The following ZNF333 variants were observed in gnomAD, a reference collection of about 807,000 sequenced individuals.
ZNF333 encodes zinc finger protein 333.
A neutral mutation model predicts 76.1 loss-of-function variants in ZNF333; 61 were observed. The ratio of observed to expected loss-of-function variants is 0.80; its 90% confidence interval spans 0.65 to 0.99. ZNF333 has a LOEUF of 0.99. Among genes scored for constraint, ZNF333 ranks in the 50% least tolerant of loss-of-function variants. The pLI, the probability that ZNF333 is intolerant of heterozygous loss-of-function variation, is 0.00. For synonymous variants in ZNF333, 284 were observed against 305.0 expected (o/e 0.93, Z 0.72); for missense variants, 717 against 822.4 (o/e 0.87, Z 1.57).
downstream of ZNF333, among the ~76,000 whole-genome samples, chr19:14,726,169 A>G (rs892685211): frequency 6.6e-6 from 1 of 152,172 alleles, no homozygotes; most frequent in African/African-American, 2.4e-5. Context: ...AACCCAAGCT[A>G]TACCTGGGCC....
intron 4 of ZNF333, among the ~76,000 whole-genome samples, chr19:14,697,357 CTTTT>C (rs139125023): frequency 2.0e-4 from 18 of 90,828 alleles, no homozygotes; most frequent in African/African-American, 7.5e-4. Context: ...TTTTTCTTTT[CTTTT>C]TTTTTTTTTT....
intron 7 of ZNF333, chr19:14,708,419 G>A: frequency 5.0e-6 from 2 of 401,240 alleles, no homozygotes; most frequent in Non-Finnish European, 4.4e-6. Context: ...GGAGCTCACG[G>A]TCAGCTGGGT....
At chr19:14,692,648 G>C (rs1972857799) in intron 1 of ZNF333, among the ~76,000 whole-genome samples, 1 of 152,136 alleles carries the variant, frequency 6.6e-6, no homozygotes, top group South Asian at 2.1e-4. Flanking sequence ...GAGTAGCTGG[G>C]ATTACAGGTG....
chr19:14,710,437 G>A (rs967874679), intron 7 of ZNF333, among the ~76,000 whole-genome samples: 5 of 152,168 alleles, frequency 3.3e-5, no homozygotes, highest in East Asian at 1.9e-4. Context: ...AGGAGATGTC[G>A]TACTCGTGGC....
chr19:14,700,122 A>C (rs1419494823), intron 5 of ZNF333: 5 of 152,232 alleles, frequency 3.3e-5, no homozygotes, highest in Non-Finnish European at 5.9e-5. Flanking sequence ...CTTCTACCTC[A>C]GCCTCCCGAG....
intron 6 of ZNF333, chr19:14,706,054 C>G (rs1470770762): frequency 2.2e-6 from 1 of 456,536 alleles, no homozygotes; most frequent in East Asian, 6.9e-5. Flanking sequence ...CCACCAAGTC[C>G]TGCTAGCGTT....
intron 5 of ZNF333, chr19:14,701,944 A>T (rs748442147): frequency 1.1e-6 from 1 of 936,422 alleles, no homozygotes; most frequent in Non-Finnish European, 1.3e-6. Flanking sequence ...CGCAGAGACC[A>T]CAGTCTCAGC....
chr19:14,720,411 A>G lies in ZNF333; in HGVS notation c.*1086A>G, dbSNP rs1392153835. On this transcript the variant is annotated 3_prime_UTR_variant, in exon 12 of 12. Transcript: ENST00000292530. ...GACCTAGAGGAGCCCTCCTGTGACC[A>G]TAAGGGTAAAAGCCGCAAGCTAAGA... is the stretch of plus-strand genomic sequence containing the variant. 7 of 985,324 alleles carry G rather than the reference A, an allele frequency of 7.1e-6. No homozygotes were observed. The highest frequency in any genetic ancestry group is 8.4e-6 in the Non-Finnish European group (7 of 829,942). The allele number at this position is 985,324 out of a possible 1,614,324, so 61.0% of individuals were successfully genotyped here.
exon 12 of ZNF333, chr19:14,731,297 T>G: frequency 2.7e-5 from 28 of 1,043,936 alleles, no homozygotes; most frequent in Non-Finnish European, 3.7e-5. Flanking sequence ...AATCTGCAGA[T>G]TCTGAAGCTT....
chr19:14,708,395 G>A (rs954978268), intron 7 of ZNF333: 2 of 401,116 alleles, frequency 5.0e-6, no homozygotes, highest in African/African-American at 4.1e-5. Context: ...AGAAAACACC[G>A]ACCCCTCCTC....
At position 14,719,477 on chromosome 19, in the gene ZNF333, A is replaced by G; in HGVS notation, c.*152A>G. The G allele has an allele frequency of 9.0e-7, 1 of 1,111,394 alleles. No individual in the cohort carries two copies. The highest frequency in any genetic ancestry group is 3.2e-5 in the Admixed American group (1 of 31,520). The allele number at this position is 1,111,394 out of a possible 1,614,324, so 68.8% of individuals were successfully genotyped here. On this transcript the variant is annotated 3_prime_UTR_variant, in exon 12 of 12. Transcript: ENST00000292530. Reference sequence around the variant, plus strand: ...TCCATTATCGTTTATTCTTTGACCCATCTATTATTTGGAATTAGATTTTTC... The same window carrying G: ...TCCATTATCGTTTATTCTTTGACCCGTCTATTATTTGGAATTAGATTTTTC...
At chr19:14,718,060 A>G (rs2042487686) in intron 11 of ZNF333, among the ~76,000 whole-genome samples, 168 bp from the exon 12 acceptor site, 1 of 152,252 alleles carries the variant, frequency 6.6e-6, no homozygotes, top group Non-Finnish European at 1.5e-5. Context: ...GCAACAGAGT[A>G]TCCACCCTAT....
chr19:14,731,088 GC>G, intron 11 of ZNF333: 1 of 1,205,912 alleles, frequency 8.3e-7, no homozygotes, highest in Non-Finnish European at 1.2e-6. Flanking sequence ...CGCCCCTCCT[GC>G]CCCCTCCCCC....
rs537327867 is a variant in ZNF333 at position 14,729,253 on chromosome 19, T to A, written c.901-1922T>A. On this transcript the variant is annotated intron_variant, in intron 11 of 11. Transcript: ENST00000540689. Reference sequence around the variant, plus strand: ...TGTGACCTTATTGGCCAGATAATTCTTTGCTGTAGGAACTGCCCTATGCAC... The same window carrying A: ...TGTGACCTTATTGGCCAGATAATTCATTGCTGTAGGAACTGCCCTATGCAC... Among the ~76,000 whole-genome samples the A allele has an allele frequency of 9.8e-5, 15 of 152,290 alleles. No individual in the cohort carries two copies. In the South Asian group the frequency reaches 3.1e-3, roughly 32 times the overall value.
rs773023721 is a variant in ZNF333, at chr19:14,716,142, G to T, written c.631G>T (p.Val211Leu). 6.2e-7 allele frequency: 1 copy of T among 1,614,176 alleles called. No homozygotes were observed. Among genetic ancestry groups the T allele is most frequent in the Non-Finnish European group, 8.5e-7 (1 of 1,180,036 alleles). ...AGTCACCTTTGCAGATGTGGCTGTG[G>T]TGTTCACCCCAGAAGAATGGGTGTT... ...EPVTFADVAVVFTPEEWVFLD... is the reference protein window; with the variant it reads ...EPVTFADVAVLFTPEEWVFLD... Residue 211 changes from valine (V) to leucine (L), a missense_variant, in exon 9 of 12, where the codon GTG becomes TTG. Val to Leu is a conservative substitution (Grantham distance 32). Coordinates refer to ENST00000292530, the MANE Select transcript of ZNF333 (RefSeq NM_032433.4).
chr19:14,713,422 G>GT (rs554100496), intron 7 of ZNF333, among the ~76,000 whole-genome samples: 42 of 151,406 alleles, frequency 2.8e-4, no homozygotes, highest in Non-Finnish European at 4.9e-4. Flanking sequence ...CCAATGGTTG[G>GT]ATACATGGTC....
rs546340771 is a variant in ZNF333, at chr19:14,711,266, G to C, written c.512-4116G>C. Among the ~76,000 whole-genome samples, 98 of 152,268 alleles carry C rather than the reference G, an allele frequency of 6.4e-4. 1 individual carries two copies. The highest frequency in any genetic ancestry group is 2.0e-3 in the African/African-American group (85 of 41,548). On this transcript the variant is annotated intron_variant, in intron 7 of 11. Transcript: ENST00000292530. Reference sequence around the variant, plus strand: ...GGAGCGAGTTTCTCTTACCAGTTAGGGGGGCGGGAACCTTCCTGAAATCCA... The same window carrying C: ...GGAGCGAGTTTCTCTTACCAGTTAGCGGGGCGGGAACCTTCCTGAAATCCA...
At chr19:14,702,527 A>G (rs2041986799) in intron 5 of ZNF333, among the ~76,000 whole-genome samples, 1 of 152,152 alleles carries the variant, frequency 6.6e-6, no homozygotes, top group South Asian at 2.1e-4. Context: ...GTCTCAAAAA[A>G]AGAAAAATAA....
chr19:14,695,457 A>G lies in ZNF333; in HGVS notation c.128-109A>G, dbSNP rs1027794919. ...CCATCACACTTGCTCAGCCCAGAGA[A>G]TCTGAAGCCCATATTGAAGCTGAAG... On this transcript the variant is annotated intron_variant, in intron 3 of 11. Transcript: ENST00000292530. The G allele has an allele frequency of 3.7e-6, 4 of 1,082,418 alleles. No homozygotes were observed. In the African/African-American group the frequency reaches 6.2e-5, roughly 17 times the overall value. The allele number at this position is 1,082,418 out of a possible 1,614,324, so 67.1% of individuals were successfully genotyped here.
Sources: gnomAD v4.1 joint callset for allele counts (sites outside exome capture counted in the v4.1 genomes callset) on GRCh38, gnomAD v4.1.1 for gene constraint, MANE v1.5 for transcripts, NCBI Gene and HGNC (gene_info 2026-07-23, HGNC 2026-07-21) for gene names.